GALNT13: variants seen among roughly 807,000 people sequenced by gnomAD.
The protein encoded by GALNT13 is polypeptide N-acetylgalactosaminyltransferase 13, also known as UDP-GalNAc:polypeptide N-acetylgalactosaminyltransferase 13.
Under a neutral mutation model 64.2 loss-of-function variants are expected in GALNT13, and 28 were observed. That is an observed-to-expected ratio of 0.44 (90% confidence interval 0.32 to 0.60). GALNT13 has a LOEUF of 0.60. Among genes scored for constraint, GALNT13 ranks in the 20% least tolerant of loss-of-function variants. The pLI is 0.05. For synonymous variants in GALNT13, 214 were observed against 224.6 expected (o/e 0.95, Z 0.42); for missense variants, 577 against 669.8 (o/e 0.86, Z 1.53).
chr2:153,152,834 G>C, the GALNT13 span, among the ~76,000 whole-genome samples: 1 of 152,110 alleles, frequency 6.6e-6, no homozygotes, highest in Non-Finnish European at 1.5e-5. Flanking sequence ...TTGATACCCT[G>C]TCTTTGCTAT....
At chr2:154,254,901 G>T (rs1028075275) in intron 7 of GALNT13, among the ~76,000 whole-genome samples, 4 of 152,144 alleles carry the variant, frequency 2.6e-5, no homozygotes, top group Non-Finnish European at 5.9e-5. Flanking sequence ...CATAGAAAGA[G>T]AAAAGTGCCC....
chr2:154,291,238 G>A (rs868328347), intron 8 of GALNT13, among the ~76,000 whole-genome samples: 7 of 152,110 alleles, frequency 4.6e-5, no homozygotes, highest in South Asian at 2.1e-4. Flanking sequence ...ACAGAGTGCT[G>A]ATTGGTGCAT....
At chr2:154,225,708 C>G (rs561538932) in intron 4 of GALNT13, among the ~76,000 whole-genome samples, 4 of 152,024 alleles carry the variant, frequency 2.6e-5, no homozygotes, top group Admixed American at 6.6e-5. Flanking sequence ...GATATGGAAG[C>G]CTTCAGGATA....
At chr2:153,341,671 A>G in the GALNT13 span, among the ~76,000 whole-genome samples, 1 of 152,204 alleles carries the variant, frequency 6.6e-6, no homozygotes, top group African/African-American at 2.4e-5. Flanking sequence ...AGTAGGAAAA[A>G]CTGCACAGAA....
intron 11 of GALNT13, among the ~76,000 whole-genome samples, chr2:154,432,589 A>G (rs865989420): frequency 6.6e-6 from 1 of 152,154 alleles, no homozygotes; most frequent in African/African-American, 2.4e-5. Context: ...CAGAAGTGCC[A>G]TACTCCCTCT....
At chr2:153,564,469 C>T in the GALNT13 span, among the ~76,000 whole-genome samples, 1 of 152,104 alleles carries the variant, frequency 6.6e-6, no homozygotes, top group Non-Finnish European at 1.5e-5. Context: ...GTCTTGAGAA[C>T]CGCATTGTTT....
chr2:153,611,559 C>T, the GALNT13 span, among the ~76,000 whole-genome samples: 2 of 151,914 alleles, frequency 1.3e-5, no homozygotes, highest in Admixed American at 1.3e-4. Flanking sequence ...CGGGGTTTCA[C>T]CGTGTTGGCC....
chr2:154,201,833 C>T (rs1321975243), intron 4 of GALNT13, among the ~76,000 whole-genome samples: 1 of 152,086 alleles, frequency 6.6e-6, no homozygotes, highest in Non-Finnish European at 1.5e-5. Flanking sequence ...ATGTGTCTGG[C>T]AGTGCTTGCC....
chr2:153,177,492 C>T, the GALNT13 span, among the ~76,000 whole-genome samples: 1 of 151,988 alleles, frequency 6.6e-6, no homozygotes, highest in African/African-American at 2.4e-5. Context: ...GGATTAATAC[C>T]TTAGTTAATG....
At chr2:154,321,282 AG>A (rs1694609690) in intron 9 of GALNT13, among the ~76,000 whole-genome samples, 1 of 152,138 alleles carries the variant, frequency 6.6e-6, no homozygotes, top group African/African-American at 2.4e-5. Context: ...TGTCTTTCAC[AG>A]GTGGAGCTTT....
chr2:153,644,683 A>T, the GALNT13 span, among the ~76,000 whole-genome samples: 3 of 151,942 alleles, frequency 2.0e-5, no homozygotes, highest in African/African-American at 7.2e-5. Context: ...CTACTTCTTG[A>T]TTCACTGACT....
the GALNT13 span, among the ~76,000 whole-genome samples, chr2:153,752,733 G>A: frequency 6.6e-6 from 1 of 151,992 alleles, no homozygotes; most frequent in Non-Finnish European, 1.5e-5. Flanking sequence ...TCTTCCTTGG[G>A]TGAAATCTGT....
intron 4 of GALNT13, among the ~76,000 whole-genome samples, chr2:154,182,587 T>TTTTATAAGAAATTTGTTTATA (rs1686019463): frequency 1.3e-5 from 2 of 150,406 alleles, no homozygotes; most frequent in African/African-American, 2.4e-5. Flanking sequence ...TAACTAATTT[T>TTTTATAAGAAATTTGTTTATA]ATCTGTTTTA....
the GALNT13 span, among the ~76,000 whole-genome samples, chr2:153,475,628 C>T: frequency 2.6e-5 from 4 of 152,096 alleles, no homozygotes; most frequent in African/African-American, 9.7e-5. Flanking sequence ...TAGGTTTGAC[C>T]CCTCCTTCAG....
At chr2:153,623,625 GA>G in the GALNT13 span, among the ~76,000 whole-genome samples, 14 of 151,664 alleles carry the variant, frequency 9.2e-5, no homozygotes, top group Admixed American at 8.6e-4. Flanking sequence ...ATACAGAATG[GA>G]ACGAAATATA....
intron 3 of GALNT13, among the ~76,000 whole-genome samples, chr2:153,975,856 A>T (rs1324446612): frequency 6.6e-6 from 1 of 152,138 alleles, no homozygotes; most frequent in Non-Finnish European, 1.5e-5. Context: ...GGTAACTGTA[A>T]AGTGATGGAT....
the GALNT13 span, among the ~76,000 whole-genome samples, chr2:153,086,227 G>A: frequency 6.6e-6 from 1 of 152,162 alleles, no homozygotes; most frequent in South Asian, 2.1e-4. Flanking sequence ...TCTCAGATGA[G>A]ACTTTCTACT....
chr2:153,191,288 G>C, the GALNT13 span, among the ~76,000 whole-genome samples: 1 of 152,144 alleles, frequency 6.6e-6, no homozygotes, highest in South Asian at 2.1e-4. Context: ...ATGAAGTGAT[G>C]TTGAATTTTA....
chr2:153,620,968 G>C, the GALNT13 span, among the ~76,000 whole-genome samples: 5 of 152,028 alleles, frequency 3.3e-5, no homozygotes, highest in African/African-American at 1.2e-4. Context: ...TTGCTTTAGG[G>C]GACACTCCAA....
Sources: allele counts gnomAD v4.1 joint callset (sites outside exome capture counted in the v4.1 genomes callset), GRCh38; gene constraint gnomAD v4.1.1; transcripts MANE v1.5; gene names NCBI Gene and HGNC (gene_info 2026-07-23, HGNC 2026-07-21).